The following STIMATE variants were observed in gnomAD, a reference collection of about 807,000 sequenced individuals.
STIMATE encodes the protein store-operated calcium entry regulator STIMATE.
STIMATE carries 15 observed loss-of-function variants against 36.7 expected under a neutral mutation model. The ratio of observed to expected loss-of-function variants is 0.41; its 90% CI spans 0.27 to 0.63. The LOEUF (loss-of-function observed/expected upper bound fraction) is 0.63. STIMATE is among the 20% of genes least tolerant of loss of function. The probability of loss-of-function intolerance (pLI) is 0.32; values close to 1 mark genes in which losing one functional copy is unlikely to be tolerated. For synonymous variants in STIMATE, 163 were observed against 162.3 expected, an observed-to-expected ratio of 1.00 and a Z score of -0.03; for missense variants, 305 against 397.3, an observed-to-expected ratio of 0.77 and a Z score of 1.98.
At position 52,843,636 on chromosome 3, in the gene STIMATE, G is replaced by A. The variant is rs1700846121; in HGVS notation, c.618+85C>T. Reference sequence around the variant, plus strand: ...GCAAAAAGACCTGAGGGCTACAGGTGAGCTTTCTGTCAGACTCAGAACTTT... The same window carrying A: ...GCAAAAAGACCTGAGGGCTACAGGTAAGCTTTCTGTCAGACTCAGAACTTT... On this transcript the variant is annotated intron_variant, in intron 6 of 7. Coordinates refer to ENST00000355083, the MANE Select transcript of STIMATE (RefSeq NM_198563.5). The A allele has an allele frequency of 4.4e-6, 7 of 1,585,540 alleles. No individual in the cohort carries two copies. The South Asian group carries it at 4.5e-5, about 10-fold the overall frequency.
intron 1 of STIMATE, among the ~76,000 whole-genome samples, chr3:52,866,443 A>G (rs563263160): frequency 1.3e-5 from 2 of 152,312 alleles, no homozygotes; most frequent in East Asian, 3.9e-4. Context: ...ACATGAGCCC[A>G]GAGCCCCTCC....
At chr3:52,847,495 G>A in intron 4 of STIMATE, 2 of 1,289,756 alleles carry the variant, frequency 1.6e-6, no homozygotes, top group Non-Finnish European at 2.0e-6. Flanking sequence ...CGCCGGGGCT[G>A]TGTGGCTTAT....
chr3:52,842,880 G>A lies in STIMATE; in HGVS notation c.699C>T (p.Asn233=), dbSNP rs1392865172. 7.4e-6 allele frequency: 12 copies of A among 1,614,120 alleles called. No individual in the cohort carries two copies. Among genetic ancestry groups the A allele is most frequent in the Non-Finnish European group, 9.3e-6 (11 of 1,180,058 alleles). The change falls in exon 7 of 8, where the codon AAC becomes AAT. Residue 233 remains asparagine, a synonymous_variant. Transcript: ENST00000355083. The part of the protein sequence containing the change: ...TKAKLEERGA[N]QDSRNGSKVR... ...CCTTGCTCCCATTCCTCGAGTCCTG[G>A]TTGGCTCCCCTTTCTTCTAGCTTAG... is the stretch of plus-strand genomic sequence containing the variant.
At chr3:52,882,440 C>A (rs757823182) in intron 1 of STIMATE, among the ~76,000 whole-genome samples, 1 of 152,166 alleles carries the variant, frequency 6.6e-6, no homozygotes, top group African/African-American at 2.4e-5. Flanking sequence ...AGGTGACCTG[C>A]CACATTTGTC....
At chr3:52,860,731 T>G (rs1701203376) in intron 1 of STIMATE, among the ~76,000 whole-genome samples, 1 of 152,092 alleles carries the variant, frequency 6.6e-6, no homozygotes, top group Non-Finnish European at 1.5e-5. Flanking sequence ...GAGGTCAGAT[T>G]CCGGTTGGGT....
At chr3:52,895,645 T>G (rs748099354) in intron 1 of STIMATE, among the ~76,000 whole-genome samples, 9 of 152,242 alleles carry the variant, frequency 5.9e-5, no homozygotes, top group Non-Finnish European at 1.0e-4. Flanking sequence ...ACTTCTCAGC[T>G]GTGAGCAACT....
intron 1 of STIMATE, among the ~76,000 whole-genome samples, chr3:52,877,724 G>A (rs1053551446): frequency 2.6e-5 from 4 of 152,210 alleles, no homozygotes; most frequent in Non-Finnish European, 5.9e-5. Flanking sequence ...GGGCCTCAGT[G>A]AGCTAACACT....
intron 1 of STIMATE, among the ~76,000 whole-genome samples, chr3:52,863,322 TGGCAA>T (rs1177261018): frequency 3.9e-5 from 6 of 151,992 alleles, no homozygotes; most frequent in Admixed American, 3.9e-4. Flanking sequence ...TACATGGTGG[TGGCAA>T]GAGAAAATGA....
At chr3:52,848,536 G>A (rs1700944971) in intron 4 of STIMATE, 1 of 152,254 alleles carries the variant, frequency 6.6e-6, no homozygotes, top group Non-Finnish European at 1.5e-5. Context: ...TAGTAGAGCT[G>A]GGAGCCACAC....
At chr3:52,874,752 G>A (rs115675918) in intron 1 of STIMATE, among the ~76,000 whole-genome samples, 4,481 of 152,254 alleles carry the variant, frequency 0.029, 222 homozygotes, top group African/African-American at 0.1. Flanking sequence ...TGAGACACCA[G>A]AATCGCTTGA....
intron 1 of STIMATE, among the ~76,000 whole-genome samples, chr3:52,895,347 A>G (rs1262329498): frequency 6.6e-6 from 1 of 152,008 alleles, no homozygotes; most frequent in East Asian, 1.9e-4. Flanking sequence ...TAGGGGGAGG[A>G]GGCTCTTGCT....
chr3:52,854,211 C>T (rs534677886), intron 2 of STIMATE, among the ~76,000 whole-genome samples: 6 of 152,278 alleles, frequency 3.9e-5, no homozygotes, highest in South Asian at 2.1e-4. Context: ...GGTCCTGATA[C>T]GAGCACCTAA....
chr3:52,844,793 G>A lies in STIMATE; in HGVS notation c.540+36C>T, dbSNP rs758623096. On this transcript the variant is annotated intron_variant, in intron 5 of 7. Coordinates refer to ENST00000355083, the MANE Select transcript of STIMATE (RefSeq NM_198563.5). The stretch of plus-strand genomic sequence containing the variant: ...GGGGAGGAAGTGCTGCTTGCTCAGC[G>A]TGGCAAGGAGCTGCTCATGCAGGGA... 22 of 1,607,214 alleles carry A rather than the reference G, an allele frequency of 1.4e-5. No individual in the cohort carries two copies. In the Admixed American group the frequency reaches 1.5e-4, roughly 11 times the overall value.
At chr3:52,884,907 T>G (rs1452081128) in intron 1 of STIMATE, among the ~76,000 whole-genome samples, 1 of 152,224 alleles carries the variant, frequency 6.6e-6, no homozygotes, top group Non-Finnish European at 1.5e-5. Flanking sequence ...GGCCATGTGT[T>G]TTCTGTTCTC....
At chr3:52,893,046 G>GAAAAAAAAAAAAA (rs34833389) in intron 1 of STIMATE, among the ~76,000 whole-genome samples, 1 of 134,524 alleles carries the variant, frequency 7.4e-6, no homozygotes. Flanking sequence ...CAGAAACATT[G>GAAAAAAAAAAAAA]AAAAAAAAAA....
intron 1 of STIMATE, among the ~76,000 whole-genome samples, chr3:52,885,270 T>C (rs1377533047): frequency 2.0e-5 from 3 of 152,224 alleles, no homozygotes; most frequent in African/African-American, 4.8e-5. Flanking sequence ...CATTTTTTTT[T>C]CTGAGTTCTA....
intron 1 of STIMATE, among the ~76,000 whole-genome samples, chr3:52,868,329 C>G (rs895749141): frequency 6.6e-6 from 1 of 152,220 alleles, no homozygotes; most frequent in African/African-American, 2.4e-5. Context: ...GGCCATGTGA[C>G]TCAGTTCTAC....
chr3:52,867,852 AGAG>A (rs771348185), intron 1 of STIMATE, among the ~76,000 whole-genome samples: 99 of 152,334 alleles, frequency 6.5e-4, no homozygotes, highest in Non-Finnish European at 2.8e-4. Context: ...AGCAGTTAGT[AGAG>A]GAGCCGCAAA....
At chr3:52,891,598 C>T (rs796518946) in intron 1 of STIMATE, among the ~76,000 whole-genome samples, 12 of 152,226 alleles carry the variant, frequency 7.9e-5, no homozygotes, top group African/African-American at 2.2e-4. Flanking sequence ...ATTTTGGCCA[C>T]GAAAGCCACC....
Sources: allele counts gnomAD v4.1 joint callset (sites outside exome capture counted in the v4.1 genomes callset), GRCh38; gene constraint gnomAD v4.1.1; transcripts MANE v1.5; gene names NCBI Gene and HGNC (gene_info 2026-07-23, HGNC 2026-07-21).